The following SH3RF3 variants were observed in gnomAD, a reference collection of about 807,000 sequenced individuals.
SH3RF3 encodes the protein SH3 domain containing ring finger 3.
SH3RF3 carries 29 observed loss-of-function variants against 66.3 expected under a neutral mutation model. The observed-to-expected ratio is 0.44, with a 90% CI of 0.33 to 0.60. SH3RF3 has a LOEUF of 0.60. SH3RF3 is among the 20% of genes least tolerant of loss of function. The probability of loss-of-function intolerance (pLI) is 0.04; values close to 1 mark genes in which losing one functional copy is unlikely to be tolerated. For synonymous variants in SH3RF3, 583 were observed against 532.0 expected, an observed-to-expected ratio of 1.10 and a Z score of -1.32; for missense variants, 1,194 against 1,190.9, an observed-to-expected ratio of 1.00 and a Z score of -0.04.
At chr2:109,152,399 A>G (rs1677243046) in intron 1 of SH3RF3, among the ~76,000 whole-genome samples, 1 of 152,214 alleles carries the variant, frequency 6.6e-6, no homozygotes, top group East Asian at 1.9e-4. Flanking sequence ...TGTACAGCAA[A>G]TCAAATAAAT....
intron 1 of SH3RF3, among the ~76,000 whole-genome samples, chr2:109,201,723 C>T (rs574215016): frequency 1.1e-4 from 17 of 152,212 alleles, no homozygotes; most frequent in Admixed American, 2.0e-4. Flanking sequence ...TGGAGAGCCA[C>T]GTACAGCCCA....
chr2:109,194,119 A>G (rs1047378904), intron 1 of SH3RF3, among the ~76,000 whole-genome samples: 1 of 152,266 alleles, frequency 6.6e-6, no homozygotes, highest in African/African-American at 2.4e-5. Context: ...ATGCATGGGC[A>G]GTTGCTGTTG....
chr2:109,359,769 C>T (rs1239595399), intron 2 of SH3RF3, among the ~76,000 whole-genome samples: 2 of 152,126 alleles, frequency 1.3e-5, no homozygotes, highest in Non-Finnish European at 2.9e-5. Flanking sequence ...GTTTCTTCAG[C>T]ATCCTCAAGG....
intron 8 of SH3RF3, among the ~76,000 whole-genome samples, chr2:109,473,805 C>T (rs72949161): frequency 0.029 from 4,473 of 151,760 alleles, 97 homozygotes; most frequent in South Asian, 0.077. Context: ...CCCCCGTGCA[C>T]AGCCAGCACC....
At chr2:109,444,131 A>T (rs1677644430) in intron 7 of SH3RF3, among the ~76,000 whole-genome samples, 1 of 152,136 alleles carries the variant, frequency 6.6e-6, no homozygotes, top group Admixed American at 6.5e-5. Context: ...TGAAAACTAA[A>T]CAGTTTACTT....
chr2:109,169,769 CACAT>C (rs1362893384), intron 1 of SH3RF3, among the ~76,000 whole-genome samples: 5 of 152,022 alleles, frequency 3.3e-5, no homozygotes, highest in Admixed American at 1.3e-4. Context: ...CACACACACA[CACAT>C]GACCCCCCAA....
At chr2:109,238,593 A>C (rs1679704650) in intron 1 of SH3RF3, among the ~76,000 whole-genome samples, 1 of 151,770 alleles carries the variant, frequency 6.6e-6, no homozygotes, top group Admixed American at 6.6e-5. Flanking sequence ...ACATTTTTTC[A>C]GGAATTCTTT....
intron 1 of SH3RF3, among the ~76,000 whole-genome samples, chr2:109,225,072 C>G (rs913678087): frequency 2.6e-5 from 4 of 151,966 alleles, no homozygotes; most frequent in African/African-American, 9.7e-5. Context: ...TGGCCTGGAG[C>G]CTTTTCGTTT....
At chr2:109,424,824 G>A (rs559556797) in intron 5 of SH3RF3, among the ~76,000 whole-genome samples, 2 of 152,210 alleles carry the variant, frequency 1.3e-5, no homozygotes, top group African/African-American at 4.8e-5. Flanking sequence ...CTGAAATCAG[G>A]CCTTTTAGTA....
At chr2:109,449,630 G>A in intron 8 of SH3RF3, 141 bp downstream of exon 8, 1 of 1,151,336 alleles carries the variant, frequency 8.7e-7, no homozygotes, top group Non-Finnish European at 1.2e-6. Flanking sequence ...AACCAGGCGT[G>A]TGACAGAGAG....
intron 4 of SH3RF3, among the ~76,000 whole-genome samples, chr2:109,412,688 T>G (rs562390249): frequency 3.3e-5 from 5 of 152,382 alleles, no homozygotes; most frequent in African/African-American, 1.2e-4. Context: ...CCTCAAGTGT[T>G]AACTCTGTTA....
chr2:109,399,036 T>C (rs1676234245), intron 4 of SH3RF3, 93 bp downstream of exon 4: 1 of 1,343,538 alleles, frequency 7.4e-7, no homozygotes, highest in Admixed American at 2.2e-5. Context: ...TCAACTAGCA[T>C]GGAGGCCGCC....
At chr2:109,481,680 C>A (rs1678837990) in intron 8 of SH3RF3, among the ~76,000 whole-genome samples, 1 of 152,188 alleles carries the variant, frequency 6.6e-6, no homozygotes, top group South Asian at 2.1e-4. Context: ...AGGGCTCTGC[C>A]TCGCAGCACC....
intron 1 of SH3RF3, among the ~76,000 whole-genome samples, chr2:109,314,675 A>C (rs1358044490): frequency 6.6e-6 from 1 of 152,248 alleles, no homozygotes; most frequent in Non-Finnish European, 1.5e-5. Context: ...TACATGCATA[A>C]GGCAAACCAG....
At chr2:109,282,499 G>A (rs1250205662) in intron 1 of SH3RF3, among the ~76,000 whole-genome samples, 3 of 152,174 alleles carry the variant, frequency 2.0e-5, no homozygotes, top group African/African-American at 7.2e-5. Context: ...CCAAGACGCC[G>A]GCCTGCCCTG....
chr2:109,251,294 A>C, intron 1 of SH3RF3: 1 of 395,908 alleles, frequency 2.5e-6, no homozygotes, highest in Non-Finnish European at 4.8e-6. Flanking sequence ...GGCGTGAGCC[A>C]CCATGCCCGG....
At chr2:109,139,766 C>T (rs894303532) in intron 1 of SH3RF3, among the ~76,000 whole-genome samples, 3 of 152,172 alleles carry the variant, frequency 2.0e-5, no homozygotes, top group African/African-American at 7.2e-5. Flanking sequence ...GTCAGCAGCC[C>T]ATTGAACAAT....
At position 109,437,635 on chromosome 2, in the gene SH3RF3, G is replaced by C. The variant is rs559632635; in HGVS notation, c.1828+489G>C. Among the ~76,000 whole-genome samples, 25 of 152,160 alleles carry C rather than the reference G, an allele frequency of 1.6e-4. 1 individual carries two copies. The highest frequency in any genetic ancestry group is 5.5e-4 in the African/African-American group (23 of 41,496). On this transcript the variant is annotated intron_variant, in intron 7 of 9. Coordinates refer to ENST00000309415, the MANE Select transcript of SH3RF3 (RefSeq NM_001099289.3). ...ACAGGACAGGGCTGGGGTGAGACTC[G>C]GGCCCAGGCTCTTCCCTTTCTGAAG...
chr2:109,422,445 C>G (rs1177411286), intron 5 of SH3RF3, among the ~76,000 whole-genome samples: 2 of 152,168 alleles, frequency 1.3e-5, no homozygotes, highest in Non-Finnish European at 2.9e-5. Flanking sequence ...ATGTTCTTGC[C>G]CCTTCTTCCA....
Sources: gnomAD v4.1 joint callset for allele counts (sites outside exome capture counted in the v4.1 genomes callset) on GRCh38, gnomAD v4.1.1 for gene constraint, MANE v1.5 for transcripts, NCBI Gene and HGNC (gene_info 2026-07-23, HGNC 2026-07-21) for gene names.